The following PRKN variants were observed in gnomAD, a reference collection of about 807,000 sequenced individuals.
PRKN encodes parkin RBR E3 ubiquitin protein ligase.
A neutral mutation model predicts 59.5 loss-of-function variants in PRKN; 56 were observed. The observed-to-expected ratio is 0.94, with a 90% CI of 0.76 to 1.18. PRKN has a LOEUF of 1.18. PRKN is among the 50% of genes most tolerant of loss of function. The pLI is 0.00. For synonymous variants in PRKN, 250 were observed against 222.1 expected (o/e 1.13, Z -1.12); for missense variants, 657 against 596.4 (o/e 1.10, Z -1.06).
At chr6:162,264,428 C>T (rs1780034416) in intron 2 of PRKN, among the ~76,000 whole-genome samples, 1 of 152,144 alleles carries the variant, frequency 6.6e-6, no homozygotes, top group Non-Finnish European at 1.5e-5. Context: ...CTGCTGCTTT[C>T]TCAAGCTCTT....
intron 7 of PRKN, among the ~76,000 whole-genome samples, chr6:161,761,145 G>A (rs1789183186): frequency 6.6e-6 from 1 of 152,180 alleles, no homozygotes; most frequent in African/African-American, 2.4e-5. Context: ...GTGACATGGT[G>A]AACCATTGTG....
intron 2 of PRKN, among the ~76,000 whole-genome samples, chr6:162,288,537 A>G (rs1000202693): frequency 2.6e-5 from 4 of 152,156 alleles, no homozygotes; most frequent in Non-Finnish European, 4.4e-5. Context: ...GTTCAGAGAC[A>G]TGAAGTGACA....
rs748787015 is a variant in PRKN, at chr6:161,757,833, A to ATCTCTCTCTCTC, written c.871+27927_871+27938dup. ...AGCCTGGGCAATAGAGCAAAACTCC[A>ATCTCTCTCTCTC]TCTCTCTCTCTCTCTCTCTCTCTCT... On this transcript the variant is annotated intron_variant, in intron 7 of 11. Transcript: ENST00000366898. Among the ~76,000 whole-genome samples the ATCTCTCTCTCTC allele has an allele frequency of 1.5e-3, 58 of 37,644 alleles. 2 individuals are homozygous for ATCTCTCTCTCTC. The highest frequency in any genetic ancestry group is 4.6e-3 in the African/African-American group (56 of 12,092). 24.7% of individuals were successfully genotyped at this position (37,644 alleles called of 152,430 possible).
chr6:161,350,807 T>A (rs1453671857), intron 11 of PRKN, among the ~76,000 whole-genome samples: 2 of 57,050 alleles, frequency 3.5e-5, no homozygotes, highest in Non-Finnish European at 5.4e-5. Flanking sequence ...AAAATATATA[T>A]ATTTTTATAT....
At chr6:161,889,202 T>C (rs1795254676) in intron 6 of PRKN, among the ~76,000 whole-genome samples, 1 of 152,108 alleles carries the variant, frequency 6.6e-6, no homozygotes, top group Non-Finnish European at 1.5e-5. Context: ...ATGTGGGGTA[T>C]CTGAGGGTCA....
At chr6:162,675,481 A>C (rs1779509311) in intron 1 of PRKN, among the ~76,000 whole-genome samples, 1 of 152,198 alleles carries the variant, frequency 6.6e-6, no homozygotes, top group Admixed American at 6.5e-5. Flanking sequence ...GATGACAGGC[A>C]AATTTACAAC....
intron 6 of PRKN, among the ~76,000 whole-genome samples, chr6:161,804,700 T>C (rs1293251842): frequency 6.6e-6 from 1 of 152,242 alleles, no homozygotes; most frequent in Non-Finnish European, 1.5e-5. Context: ...ATCTACACAT[T>C]GTCCCAACAA....
chr6:161,784,493 C>T (rs3019437), intron 7 of PRKN, among the ~76,000 whole-genome samples: 123,426 of 152,152 alleles, frequency 0.81, 52,303 homozygotes, highest in East Asian at 0.95. Context: ...GGACTTGAAC[C>T]GACATTCTTA....
At chr6:161,669,156 A>G (rs910417) in intron 7 of PRKN, among the ~76,000 whole-genome samples, 120,382 of 152,096 alleles carry the variant, frequency 0.79, 47,743 homozygotes, top group South Asian at 0.86. Flanking sequence ...CTTTACAAAC[A>G]AGGAAGTGGG....
chr6:162,109,519 C>T (rs116138364), intron 4 of PRKN, among the ~76,000 whole-genome samples: 1,540 of 152,260 alleles, frequency 0.01, 24 homozygotes, highest in African/African-American at 0.035. Flanking sequence ...TATGGCTCTT[C>T]GGACCCTGAC....
rs192009177 is a variant in PRKN at position 161,420,182 on chromosome 6, G to T, written c.1084-33305C>A. On this transcript the variant is annotated intron_variant, in intron 9 of 11. Transcript: ENST00000366898. The stretch of plus-strand genomic sequence containing the variant: ...GAACCCAGGAGACAGAGGTTGCAGT[G>T]AGCCGAGATCATGCGCCGCTGCACT... 3.2e-4 allele frequency among the ~76,000 whole-genome samples: 48 copies of T among 149,996 alleles called. No individual in the cohort carries two copies. In the East Asian group the frequency reaches 8.1e-3, roughly 25 times the overall value.
At chr6:161,476,893 A>G (rs1374787442) in intron 9 of PRKN, among the ~76,000 whole-genome samples, 1 of 152,260 alleles carries the variant, frequency 6.6e-6, no homozygotes, top group East Asian at 1.9e-4. Flanking sequence ...GAGAGCCAGC[A>G]TACAGGAGCT....
chr6:161,717,677 A>G (rs1787043182), intron 7 of PRKN, among the ~76,000 whole-genome samples: 1 of 152,222 alleles, frequency 6.6e-6, no homozygotes, highest in Non-Finnish European at 1.5e-5. Context: ...TATCAATCAT[A>G]ACATCTCACA....
intron 1 of PRKN, among the ~76,000 whole-genome samples, chr6:162,691,463 C>G (rs960277150): frequency 6.6e-6 from 1 of 152,026 alleles, no homozygotes; most frequent in African/African-American, 2.4e-5. Flanking sequence ...CACTTACCAT[C>G]AAGATTTCAA....
At chr6:162,150,339 G>A (rs1460857548) in intron 4 of PRKN, among the ~76,000 whole-genome samples, 1 of 152,146 alleles carries the variant, frequency 6.6e-6, no homozygotes, top group African/African-American at 2.4e-5. Flanking sequence ...GAGTTTGGGG[G>A]CCTTCTCTGT....
At chr6:161,756,601 A>G (rs1472727457) in intron 7 of PRKN, among the ~76,000 whole-genome samples, 1 of 148,378 alleles carries the variant, frequency 6.7e-6, no homozygotes, top group Admixed American at 6.8e-5. Context: ...CTCTCCCCCT[A>G]CCTCCTCTTT....
At chr6:161,804,833 G>T (rs1270956973) in intron 6 of PRKN, among the ~76,000 whole-genome samples, 1 of 152,176 alleles carries the variant, frequency 6.6e-6, no homozygotes, top group Non-Finnish European at 1.5e-5. Context: ...TATGAGCAGT[G>T]CTATGGCAGA....
chr6:162,486,517 C>CCA (rs2128183678), intron 1 of PRKN, among the ~76,000 whole-genome samples: 1 of 152,226 alleles, frequency 6.6e-6, no homozygotes, highest in East Asian at 1.9e-4. Flanking sequence ...TGAATATGTA[C>CCA]CACCATACAC....
intron 3 of PRKN, among the ~76,000 whole-genome samples, chr6:162,216,226 C>G (rs1371567584): frequency 6.6e-6 from 1 of 151,806 alleles, no homozygotes; most frequent in East Asian, 2.0e-4. Flanking sequence ...GTGAAAAGTC[C>G]TTCTTTTAAA....
Sources: gnomAD v4.1 joint callset for allele counts (sites outside exome capture counted in the v4.1 genomes callset) on GRCh38, gnomAD v4.1.1 for gene constraint, MANE v1.5 for transcripts, NCBI Gene and HGNC (gene_info 2026-07-23, HGNC 2026-07-21) for gene names.